The following BORCS5 variants were observed in gnomAD, a reference collection of about 807,000 sequenced individuals.
The protein encoded by BORCS5 is BLOC-1 related complex subunit 5, also known as BLOC-1-related complex subunit 5.
In BORCS5, 17 loss-of-function variants were observed where a neutral mutation model predicts 22.1. The ratio of observed to expected loss-of-function variants is 0.77; its 90% CI spans 0.53 to 1.15. The LOEUF (loss-of-function observed/expected upper bound fraction) is 1.15, where lower values mean the gene tolerates loss of function less well. Among genes scored for constraint, BORCS5 ranks in the 50% most tolerant of loss-of-function variants. The pLI is 0.00. For synonymous variants in BORCS5, 117 were observed against 99.8 expected (o/e 1.17, Z -1.03); for missense variants, 247 against 253.2 (o/e 0.98, Z 0.17).
chr12:12,369,883 CCTGT>C (rs1437717665), intron 2 of BORCS5, among the ~76,000 whole-genome samples: 3 of 151,426 alleles, frequency 2.0e-5, no homozygotes, highest in Non-Finnish European at 2.9e-5. Context: ...CGTCACCATG[CCTGT>C]CTAATTTTTT....
At chr12:12,453,904 G>T (rs1942956535) in intron 3 of BORCS5, among the ~76,000 whole-genome samples, 4 of 152,056 alleles carry the variant, frequency 2.6e-5, no homozygotes, top group Admixed American at 2.6e-4. Flanking sequence ...TGCCTGTTGG[G>T]GGTATTTCAT....
At chr12:12,460,714 G>A (rs1943088167) in intron 3 of BORCS5, among the ~76,000 whole-genome samples, 1 of 152,124 alleles carries the variant, frequency 6.6e-6, no homozygotes. Context: ...TTTTTTGAGT[G>A]CTTTTTCTTA....
chr12:12,394,539 TTAAAAA>T lies in BORCS5; in HGVS notation c.202+33191_202+33196del, dbSNP rs568769780. Among the ~76,000 whole-genome samples the T allele has an allele frequency of 1.0e-3, 153 of 151,390 alleles. 2 individuals carry two copies. The highest frequency in any genetic ancestry group is 3.5e-3 in the African/African-American group (144 of 41,250). On this transcript the variant is annotated intron_variant, in intron 2 of 3. Transcript: ENST00000314565. ...GATGTCACATAATTTTTGCCGCCCT[TTAAAAA>T]AAAAAAATTTAAAGAGACAGAGTAC...
chr12:12,361,670 T>G (rs568552400), intron 2 of BORCS5, among the ~76,000 whole-genome samples: 1 of 152,350 alleles, frequency 6.6e-6, no homozygotes, highest in East Asian at 1.9e-4. Context: ...GCACGTGAAA[T>G]ATAATCTGGT....
chr12:12,370,893 C>T (rs968746365), intron 2 of BORCS5, among the ~76,000 whole-genome samples: 7 of 151,884 alleles, frequency 4.6e-5, no homozygotes, highest in African/African-American at 1.2e-4. Context: ...GGACTACAGG[C>T]GCCCACCATC....
At chr12:12,392,828 G>T (rs1461146231) in intron 2 of BORCS5, among the ~76,000 whole-genome samples, 1 of 152,028 alleles carries the variant, frequency 6.6e-6, no homozygotes, top group Non-Finnish European at 1.5e-5. Flanking sequence ...TATAAAATTA[G>T]ATCAAATCCT....
At chr12:12,374,045 T>C (rs191093374) in intron 2 of BORCS5, among the ~76,000 whole-genome samples, 26 of 141,972 alleles carry the variant, frequency 1.8e-4, no homozygotes, top group Middle Eastern at 3.6e-3. Flanking sequence ...TTGAGTGCAG[T>C]GGTGCAATCT....
intron 2 of BORCS5, among the ~76,000 whole-genome samples, chr12:12,385,651 A>C (rs1863863697): frequency 6.6e-6 from 1 of 151,184 alleles, no homozygotes; most frequent in Non-Finnish European, 1.5e-5. Flanking sequence ...CTGGGACTGC[A>C]GGAGCACACC....
chr12:12,375,308 C>T (rs930026974), intron 2 of BORCS5, among the ~76,000 whole-genome samples: 8 of 152,180 alleles, frequency 5.3e-5, no homozygotes, highest in Admixed American at 1.3e-4. Context: ...CCACTGTGTC[C>T]GGCCTGTAGA....
chr12:12,369,712 C>CTTTTTTTTTTTTT lies in BORCS5; in HGVS notation c.202+8381_202+8393dup, dbSNP rs71061052. ...GTGTGGTTTCATTCACCCCCCACTT[C>CTTTTTTTTTTTTT]TTTTTTTTTTTTTTTTTTTTTTTTT... On this transcript the variant is annotated intron_variant, in intron 2 of 3. Coordinates refer to ENST00000314565, the MANE Select transcript of BORCS5 (RefSeq NM_058169.6). 2.3e-4 allele frequency among the ~76,000 whole-genome samples: 10 copies of CTTTTTTTTTTTTT among 42,948 alleles called. 1 individual carries two copies. Among genetic ancestry groups the CTTTTTTTTTTTTT allele is most frequent in the East Asian group, 2.0e-3 (2 of 1,022 alleles). 28.2% of individuals were successfully genotyped at this position (42,948 alleles called of 152,430 possible). A position where few individuals can be genotyped will look rare whatever the true frequency, so the allele number is the denominator to read the frequency against.
intron 2 of BORCS5, among the ~76,000 whole-genome samples, chr12:12,414,345 C>T (rs1354977479): frequency 9.5e-6 from 1 of 105,378 alleles, no homozygotes; most frequent in African/African-American, 3.8e-5. Flanking sequence ...CTGGCCCCCC[C>T]ACCTCCCTCC....
chr12:12,465,966 G>A lies in BORCS5; in HGVS notation c.*190G>A, dbSNP rs1592148076. 1 of 581,736 alleles carries A rather than the reference G, an allele frequency of 1.7e-6. No individual in the cohort carries two copies. The highest frequency in any genetic ancestry group is 3.1e-6 in the Non-Finnish European group (1 of 326,918). The allele number at this position is 581,736 out of a possible 1,614,324, so 36.0% of individuals were successfully genotyped here. A position where few individuals can be genotyped will look rare whatever the true frequency, so the allele number is the denominator to read the frequency against. On this transcript the variant is annotated 3_prime_UTR_variant, in exon 4 of 4. Transcript: ENST00000314565. The stretch of plus-strand genomic sequence containing the variant: ...CTTTTCCTTGATGCAGTTTCCCGGT[G>A]TGGAAGGAACCTAACCAGTTCTCGG...
chr12:12,460,278 A>G (rs1334254583), intron 3 of BORCS5, among the ~76,000 whole-genome samples: 1 of 152,238 alleles, frequency 6.6e-6, no homozygotes, highest in African/African-American at 2.4e-5. Context: ...GCAGTTGTAA[A>G]TAGTATTCTT....
At chr12:12,396,333 C>T (rs1941343303) in intron 2 of BORCS5, among the ~76,000 whole-genome samples, 2 of 152,240 alleles carry the variant, frequency 1.3e-5, no homozygotes, top group Admixed American at 6.5e-5. Context: ...AAAACCACAA[C>T]TAGTAGGAGC....
chr12:12,414,571 A>C (rs1214877963), intron 2 of BORCS5, among the ~76,000 whole-genome samples: 4 of 64,038 alleles, frequency 6.2e-5, no homozygotes, highest in African/African-American at 1.8e-4. Context: ...TGACCCCCCC[A>C]CCTCCCTCCT....
chr12:12,405,263 C>G (rs556136189), intron 2 of BORCS5, among the ~76,000 whole-genome samples: 3 of 152,344 alleles, frequency 2.0e-5, no homozygotes, highest in African/African-American at 7.2e-5. Context: ...CAAGCAAAAA[C>G]TGTCTTAAGC....
intron 2 of BORCS5, among the ~76,000 whole-genome samples, chr12:12,400,587 C>CAG (rs557674459): frequency 0.026 from 2,304 of 87,376 alleles, 58 homozygotes; most frequent in African/African-American, 0.13. Flanking sequence ...TGTCAGCATA[C>CAG]AGAAAAAAAA....
At chr12:12,413,620 C>A (rs1370586595) in intron 2 of BORCS5, among the ~76,000 whole-genome samples, 1,970 of 134,884 alleles carry the variant, frequency 0.015, 46 homozygotes, top group African/African-American at 0.056. Context: ...GGGTCGTGGC[C>A]GGGCAGAGGG....
chr12:12,405,985 C>T (rs1266541333), intron 2 of BORCS5, among the ~76,000 whole-genome samples: 1 of 152,238 alleles, frequency 6.6e-6, no homozygotes, highest in African/African-American at 2.4e-5. Flanking sequence ...TGAGCCACTG[C>T]CAAGTACCTG....
Sources: allele counts gnomAD v4.1 joint callset (sites outside exome capture counted in the v4.1 genomes callset), GRCh38; gene constraint gnomAD v4.1.1; transcripts MANE v1.5; gene names NCBI Gene and HGNC (gene_info 2026-07-23, HGNC 2026-07-21).